Variants in BEST1 observed in about 807,000 individuals in gnomAD.
The protein encoded by BEST1 is bestrophin 1.
In BEST1, 58 loss-of-function variants were observed where a neutral mutation model predicts 63.3. That is an observed-to-expected ratio of 0.92 (90% confidence interval 0.74 to 1.14). The LOEUF is 1.14. Ranked by LOEUF, BEST1 falls within the 50% of genes most tolerant of loss-of-function variation. The probability of loss-of-function intolerance (pLI) is 0.00; values close to 1 mark genes in which losing one functional copy is unlikely to be tolerated. For missense variants in BEST1, 671 were observed against 740.1 expected (o/e 0.91, Z 1.08); for synonymous variants, 283 against 291.6 (o/e 0.97, Z 0.30).
chr11:61,963,008 C>T lies in BEST1; in HGVS notation c.1739+115C>T, dbSNP rs187053095. The T allele has an allele frequency of 6.5e-5, 103 of 1,592,836 alleles. No individual in the cohort carries two copies. The African/African-American group carries it at 1.2e-3, about 18-fold the overall frequency. On this transcript the variant is annotated intron_variant, in intron 10 of 10. Coordinates refer to ENST00000378043, the MANE Select transcript of BEST1 (RefSeq NM_004183.4). Reference sequence around the variant, plus strand: ...TCCTAGGGTTCCATCACTGCCAGAGCACACTGGACCTACGCCCAGCACTGG... The same window carrying T: ...TCCTAGGGTTCCATCACTGCCAGAGTACACTGGACCTACGCCCAGCACTGG...
At chr11:61,965,464 A>G (rs1942432098), downstream of BEST1, 1 of 1,609,302 alleles carries the variant, frequency 6.2e-7, no homozygotes, top group Non-Finnish European at 8.5e-7. Context: ...TGGTGAAGAA[A>G]GTATTTGGCA....
At chr11:61,959,735 A>G in intron 8 of BEST1, 157 bp downstream of exon 8, 1 of 1,329,260 alleles carries the variant, frequency 7.5e-7, no homozygotes. Flanking sequence ...TTCTCACCTC[A>G]ATCTTTGAGG....
chr11:61,956,412 G>A (rs773805767), intron 4 of BEST1, among the ~76,000 whole-genome samples: 2 of 152,114 alleles, frequency 1.3e-5, no homozygotes, highest in Non-Finnish European at 2.9e-5. Context: ...AGTGCTTTAG[G>A]AGGCAAAGGT....
intron 7 of BEST1, chr11:61,958,628 G>T: frequency 1.7e-6 from 1 of 575,594 alleles, no homozygotes. Context: ...AGGCAGATCG[G>T]CACCACCTCT....
intron 9 of BEST1, chr11:61,961,444 T>C (rs1052673240): frequency 1.3e-5 from 2 of 152,380 alleles, no homozygotes; most frequent in African/African-American, 2.4e-5. Flanking sequence ...GTCAGAAACA[T>C]TTCTGGAGGA....
At position 61,963,920 on chromosome 11, in the gene BEST1, C is replaced by T. The variant is rs977421488; in HGVS notation, c.1740-184C>T. On this transcript the variant is annotated intron_variant, in intron 10 of 10. Transcript: ENST00000378043. The stretch of plus-strand genomic sequence containing the variant: ...GAGGTTGAGGGGAGAATTGCTTGAA[C>T]CCAGGAGGTGGTGGTTGCAGTGAGA... 7.8e-6 allele frequency: 11 copies of T among 1,409,570 alleles called. No homozygotes were observed. The African/African-American group carries it at 1.6e-4, about 20-fold the overall frequency. The allele number at this position is 1,409,570 out of a possible 1,614,324, so 87.3% of individuals were successfully genotyped here.
At chr11:61,949,923 C>G (rs1286719014), upstream of BEST1, 1 of 152,298 alleles carries the variant, frequency 6.6e-6, no homozygotes, top group Non-Finnish European at 1.5e-5. Context: ...GACTGCAGCC[C>G]GGTATTCATT....
rs755188083 is a variant in BEST1, at chr11:61,962,876, T to C, written c.1722T>C (p.Tyr574=). The C allele has an allele frequency of 3.6e-5, 58 of 1,614,048 alleles. No homozygotes were observed. The highest frequency in any genetic ancestry group is 8.0e-5 in the African/African-American group (6 of 74,932). ...HTTLKDHMDP[Y]WALENRDEAH... Reference sequence around the variant, plus strand: ...CACTCAAAGATCACATGGATCCTTATTGGGCCTTGGAAAACAGGTCTGTCC... The same window carrying C: ...CACTCAAAGATCACATGGATCCTTACTGGGCCTTGGAAAACAGGTCTGTCC... The change falls in exon 10 of 11, where the codon TAT becomes TAC. Residue 574 remains tyrosine, a synonymous_variant. Transcript: ENST00000378043.
intron 10 of BEST1, chr11:61,963,840 C>T (rs915080397): frequency 3.9e-6 from 5 of 1,288,130 alleles, no homozygotes; most frequent in Admixed American, 6.7e-5. Flanking sequence ...CCCATCTCTA[C>T]CAAAAAAAAT....
chr11:61,958,822 T>C, intron 7 of BEST1: 2 of 319,882 alleles, frequency 6.3e-6, no homozygotes, highest in South Asian at 5.4e-5. Flanking sequence ...CCTTCCTTTA[T>C]TTTTTGGTAA....
At chr11:61,960,921 AAC>A (rs1941999588) in intron 9 of BEST1, 1 of 152,416 alleles carries the variant, frequency 6.6e-6, no homozygotes. Flanking sequence ...TCCCCAGGAC[AAC>A]AGAGTTGAAA....
Position 61,958,207 on chromosome 11 carries a change from AC to A in BEST1, c.779del (p.Pro260GlnfsTer29), listed in dbSNP as rs778645644. 19 of 1,613,692 alleles carry A rather than the reference AC, an allele frequency of 1.2e-5. No homozygotes were observed. Among genetic ancestry groups the A allele is most frequent in the African/African-American group, 1.3e-5 (1 of 74,786 alleles). ...LTCLVGRQFL[N>X]PAKAYPGHEL... Reference sequence around the variant, plus strand: ...TGTCTAGTTGGGCGGCAGTTTCTGAACCCAGCCAAGGCCTACCCTGGCCATG... The same window carrying A: ...TGTCTAGTTGGGCGGCAGTTTCTGAACCAGCCAAGGCCTACCCTGGCCATG... On this transcript the variant is annotated frameshift_variant, in exon 7 of 11. Coordinates refer to ENST00000378043, the MANE Select transcript of BEST1 (RefSeq NM_004183.4). LOFTEE classifies it high-confidence loss of function.
intron 9 of BEST1, chr11:61,960,331 G>A (rs1941932428): frequency 1.9e-6 from 1 of 524,494 alleles, no homozygotes; most frequent in Non-Finnish European, 3.4e-6. Flanking sequence ...GATCAGTGAT[G>A]CAGTGGAACG....
downstream of BEST1, chr11:61,965,150 C>G: frequency 1.2e-6 from 2 of 1,602,440 alleles, no homozygotes; most frequent in Non-Finnish European, 1.7e-6. Flanking sequence ...TACCAACTAA[C>G]CTAGAAGTCA....
chr11:61,964,070 A>G, intron 10 of BEST1, 34 bp from the exon 11 acceptor site: 1 of 1,613,310 alleles, frequency 6.2e-7, no homozygotes, highest in Non-Finnish European at 8.5e-7. Flanking sequence ...GGGACCTTCC[A>G]TACTTATGCT....
chr11:61,960,269 CA>C, intron 9 of BEST1: 1 of 643,526 alleles, frequency 1.6e-6, no homozygotes. Context: ...GTAAGTTGTC[CA>C]AGGCCACATA....
At chr11:61,960,160 G>A in intron 9 of BEST1, 117 bp downstream of exon 9, 3 of 1,334,732 alleles carry the variant, frequency 2.2e-6, no homozygotes, top group East Asian at 2.5e-5. Flanking sequence ...GTCAGGCACT[G>A]TACTATGCTC....
intron 2 of BEST1, chr11:61,954,745 C>T (rs866029900): frequency 1.0e-6 from 1 of 962,784 alleles, no homozygotes; most frequent in Non-Finnish European, 1.2e-6. Context: ...CCACCGTGCC[C>T]GTCCCAAACA....
rs62640569 is a variant in BEST1, at chr11:61,964,077, T to C, written c.1740-27T>C. The C allele has an allele frequency of 7.5e-4, 1,207 of 1,613,802 alleles. No homozygotes were observed. The highest frequency in any genetic ancestry group is 9.0e-4 in the Non-Finnish European group (1,057 of 1,179,982). On this transcript the variant is annotated intron_variant, in intron 10 of 10. Coordinates refer to ENST00000378043, the MANE Select transcript of BEST1 (RefSeq NM_004183.4). ...GAAATGAAGGGACCTTCCATACTTA[T>C]GCTGTTAATACTTTCATTCTCACTA... is the stretch of plus-strand genomic sequence containing the variant.
Sources: gnomAD v4.1 joint callset for allele counts (sites outside exome capture counted in the v4.1 genomes callset) on GRCh38, gnomAD v4.1.1 for gene constraint, MANE v1.5 for transcripts, NCBI Gene and HGNC (gene_info 2026-07-23, HGNC 2026-07-21) for gene names.